Variants in GUCY2F observed in about 807,000 individuals in gnomAD.
GUCY2F encodes retinal guanylyl cyclase 2.
GUCY2F carries 61 observed loss-of-function variants against 73.1 expected under a neutral mutation model. The ratio of observed to expected loss-of-function variants is 0.83; its 90% confidence interval spans 0.68 to 1.03. GUCY2F has a LOEUF of 1.03. Ranked by LOEUF, GUCY2F falls within the 50% of genes least tolerant of loss-of-function variation. The probability of loss-of-function intolerance (pLI) is 0.00; values close to 1 mark genes in which losing one functional copy is unlikely to be tolerated. For missense variants in GUCY2F, 912 were observed against 854.3 expected, an observed-to-expected ratio of 1.07 and a Z score of -0.84; for synonymous variants, 331 against 307.8, an observed-to-expected ratio of 1.08 and a Z score of -0.79.
intron 9 of GUCY2F, 37 bp downstream of exon 9, chrX:109,408,955 A>T: frequency 1.4e-6 from 1 of 737,069 alleles, no homozygotes; most frequent in South Asian, 2.4e-5. Context: ...TCTAATCTAC[A>T]GAGAAAATCC....
intron 1 of GUCY2F, among the ~76,000 whole-genome samples, chrX:109,481,366 G>C (rs1932764628): frequency 8.9e-6 from 1 of 111,884 alleles, no homozygotes; most frequent in South Asian, 3.7e-4. Context: ...ATGGAAAGCG[G>C]CTAGAGCATA....
chrX:109,415,157 A>G (rs143856040), intron 8 of GUCY2F, among the ~76,000 whole-genome samples: 1,981 of 111,292 alleles, frequency 0.018, 44 homozygotes, highest in African/African-American at 0.061. Flanking sequence ...AAACTCAAAG[A>G]TGCAAGAGCC....
chrX:109,404,573 GC>G, intron 9 of GUCY2F, 89 bp from the exon 10 acceptor site: 1 of 629,440 alleles, frequency 1.6e-6, no homozygotes, highest in East Asian at 3.4e-5. Context: ...AATGGCATGA[GC>G]TATTATGATC....
chrX:109,455,976 A>G (rs116815234), intron 3 of GUCY2F, among the ~76,000 whole-genome samples: 1,556 of 112,285 alleles, frequency 0.014, 28 homozygotes, highest in African/African-American at 0.048. Context: ...CTAGTTGTTC[A>G]GGCCAAAAGC....
intron 6 of GUCY2F, among the ~76,000 whole-genome samples, chrX:109,443,316 T>A (rs1931918432): frequency 9.0e-6 from 1 of 111,671 alleles, no homozygotes; most frequent in Non-Finnish European, 1.9e-5. Flanking sequence ...TTATTTTTTT[T>A]TATTTACAAA....
chrX:109,471,578 C>A (rs1297405370), intron 2 of GUCY2F, among the ~76,000 whole-genome samples: 1 of 112,475 alleles, frequency 8.9e-6, no homozygotes, highest in Non-Finnish European at 1.9e-5. Context: ...CAGGGCACAA[C>A]CTACATAACC....
At position 109,441,092 on chromosome X, in the gene GUCY2F, G is replaced by T. The variant is rs530101901; in HGVS notation, c.1701+259C>A. ...AGTGACAGACACATTTAAATGTTTG[G>T]GTCTCAAGAACTTTTTTCTACATGC... On this transcript the variant is annotated intron_variant, in intron 7 of 19. Coordinates refer to ENST00000218006, the MANE Select transcript of GUCY2F (RefSeq NM_001522.3). 8.1e-5 allele frequency among the ~76,000 whole-genome samples: 9 copies of T among 111,637 alleles called. No homozygotes were observed. The East Asian group carries it at 2.0e-3, about 24-fold the overall frequency.
At chrX:109,453,923 C>A (rs916478203) in intron 3 of GUCY2F, 64 bp from the exon 4 acceptor site, 3 of 605,718 alleles carry the variant, frequency 5.0e-6, no homozygotes, top group Non-Finnish European at 7.6e-6. Flanking sequence ...AGAGTATATT[C>A]CAAGCCTGTG....
chrX:109,429,021 T>C (rs1210335860), intron 8 of GUCY2F, among the ~76,000 whole-genome samples: 3 of 112,276 alleles, frequency 2.7e-5, no homozygotes, highest in African/African-American at 9.7e-5. Context: ...GAAACCAGTG[T>C]AGAATTGTCT....
At position 109,465,128 on chromosome X, in the gene GUCY2F, G is replaced by A; in HGVS notation, c.1032+14C>T. The A allele has an allele frequency of 8.5e-7, 1 of 1,170,658 alleles. No homozygotes were observed. Among genetic ancestry groups the A allele is most frequent in the Non-Finnish European group, 1.2e-6 (1 of 860,234 alleles). On this transcript the variant is annotated intron_variant, in intron 3 of 19. Transcript: ENST00000218006. ...AGGTTCTCAGCTCATGACAACCTAT[G>A]AATGTGTACTTACTTGATCGAACTC...
intron 12 of GUCY2F, among the ~76,000 whole-genome samples, chrX:109,393,407 C>A (rs1235009002): frequency 9.0e-6 from 1 of 110,726 alleles, no homozygotes; most frequent in African/African-American, 3.3e-5. Flanking sequence ...TGAGCCCAGG[C>A]CAATTTTGTG....
chrX:109,440,974 A>G (rs1931853613), intron 7 of GUCY2F, among the ~76,000 whole-genome samples: 1 of 111,903 alleles, frequency 8.9e-6, no homozygotes, highest in African/African-American at 3.2e-5. Flanking sequence ...GGTACCCCAA[A>G]CCCTGCCATG....
intron 6 of GUCY2F, among the ~76,000 whole-genome samples, chrX:109,442,242 CA>C (rs1385972660): frequency 9.0e-6 from 1 of 111,644 alleles, no homozygotes; most frequent in African/African-American, 3.3e-5. Context: ...TCAATTGAAC[CA>C]GTAGACTTAT....
intron 8 of GUCY2F, among the ~76,000 whole-genome samples, chrX:109,414,709 GT>G (rs1193975394): frequency 1.8e-5 from 2 of 112,128 alleles, no homozygotes; most frequent in Non-Finnish European, 3.8e-5. Context: ...AATCAGAGAA[GT>G]TGGGACAGGC....
intron 8 of GUCY2F, among the ~76,000 whole-genome samples, chrX:109,417,695 G>C (rs1233715794): frequency 1.8e-5 from 2 of 110,804 alleles, no homozygotes; most frequent in Non-Finnish European, 3.8e-5. Flanking sequence ...TTAGAAGACA[G>C]ATTGCAGAAT....
intron 9 of GUCY2F, among the ~76,000 whole-genome samples, chrX:109,408,422 C>T (rs183846112): frequency 2.6e-3 from 290 of 112,166 alleles, no homozygotes; most frequent in African/African-American, 9.1e-3. Context: ...GGACTGTGGA[C>T]TTTTGGGTTA....
chrX:109,393,110 A>G (rs1930611277), intron 12 of GUCY2F, 55 bp from the exon 13 acceptor site: 5 of 648,295 alleles, frequency 7.7e-6, no homozygotes, highest in Non-Finnish European at 1.0e-5. Flanking sequence ...AAACTCAGAG[A>G]TGATGGAGCA....
intron 8 of GUCY2F, among the ~76,000 whole-genome samples, chrX:109,430,054 G>A (rs778481176): frequency 8.9e-6 from 1 of 112,189 alleles, no homozygotes; most frequent in Admixed American, 9.4e-5. Context: ...CTAAGACTTA[G>A]GGAGTTTAGA....
intron 2 of GUCY2F, among the ~76,000 whole-genome samples, chrX:109,470,703 C>T (rs1932556766): frequency 9.0e-6 from 1 of 111,252 alleles, no homozygotes; most frequent in East Asian, 2.8e-4. Flanking sequence ...TTGGGCCCCA[C>T]ACCAGCATTC....
Sources: allele counts gnomAD v4.1 joint callset (sites outside exome capture counted in the v4.1 genomes callset), GRCh38; gene constraint gnomAD v4.1.1; transcripts MANE v1.5; gene names NCBI Gene and HGNC (gene_info 2026-07-23, HGNC 2026-07-21).